CADM1: variants seen among roughly 807,000 people sequenced by gnomAD.
CADM1 encodes the protein TSLC-1.
A neutral mutation model predicts 53.1 loss-of-function variants in CADM1; 15 were observed. That is an observed-to-expected ratio of 0.28 (90% CI 0.19 to 0.44). The LOEUF is 0.44. Ranked by LOEUF, CADM1 falls within the 20% of genes least tolerant of loss-of-function variation. CADM1 has a pLI of 1.00. For missense variants in CADM1, 434 were observed against 611.3 expected, an observed-to-expected ratio of 0.71 and a Z score of 3.06; for synonymous variants, 281 against 243.0, an observed-to-expected ratio of 1.16 and a Z score of -1.45.
intron 1 of CADM1, among the ~76,000 whole-genome samples, chr11:115,315,755 T>A (rs1944650241): frequency 6.6e-6 from 1 of 151,912 alleles, no homozygotes; most frequent in Non-Finnish European, 1.5e-5. Context: ...CTATAGCGTG[T>A]CACAACTCTC....
At position 115,170,629 on chromosome 11, in the gene CADM1, GT is replaced by G. The variant is rs538545007; in HGVS notation, c.*5844del. The G allele has an allele frequency of 4.3e-3, 653 of 152,056 alleles. 4 individuals carry two copies. The highest frequency in any genetic ancestry group is 7.1e-3 in the Admixed American group (108 of 15,242). 9.4% of individuals were successfully genotyped at this position (152,056 alleles called of 1,614,324 possible). On this transcript the variant is annotated 3_prime_UTR_variant, in exon 12 of 12. Transcript: ENST00000331581. ...TGGTGGGGGGGGACTGAATCCTGCA[GT>G]TCCTATTAGAGGCACATTTCAACAT...
chr11:115,437,598 G>A (rs1046188317), intron 1 of CADM1, among the ~76,000 whole-genome samples: 2 of 152,138 alleles, frequency 1.3e-5, no homozygotes, highest in East Asian at 1.9e-4. Flanking sequence ...ATACCAAAGC[G>A]ATGGGCAAAT....
intron 1 of CADM1, among the ~76,000 whole-genome samples, chr11:115,252,044 A>G (rs1268411263): frequency 6.6e-6 from 1 of 152,208 alleles, no homozygotes; most frequent in Non-Finnish European, 1.5e-5. Flanking sequence ...GAAATTAGAG[A>G]TAAGTGAGAA....
chr11:115,405,215 G>A (rs1947283782), intron 1 of CADM1, among the ~76,000 whole-genome samples: 2 of 152,158 alleles, frequency 1.3e-5, no homozygotes. Context: ...GGCTTCCTAA[G>A]TAGCTGGGAT....
intron 1 of CADM1, among the ~76,000 whole-genome samples, chr11:115,341,759 A>G (rs537512442): frequency 6.6e-6 from 1 of 152,216 alleles, no homozygotes; most frequent in Non-Finnish European, 1.5e-5. Flanking sequence ...TAATATAAAG[A>G]TCCTTTTTTC....
At chr11:115,305,460 C>CT (rs1227612043) in intron 1 of CADM1, among the ~76,000 whole-genome samples, 1 of 151,880 alleles carries the variant, frequency 6.6e-6, no homozygotes, top group African/African-American at 2.4e-5. Flanking sequence ...TCAGTTTTTG[C>CT]TTTTTTGTCC....
chr11:115,308,199 T>C (rs1233718345), intron 1 of CADM1, among the ~76,000 whole-genome samples: 2 of 91,274 alleles, frequency 2.2e-5, no homozygotes, highest in Non-Finnish European at 4.0e-5. Flanking sequence ...GGTGTGTATA[T>C]ATATATATAT....
At chr11:115,295,409 G>T (rs1944024312) in intron 1 of CADM1, among the ~76,000 whole-genome samples, 1 of 149,886 alleles carries the variant, frequency 6.7e-6, no homozygotes, top group Non-Finnish European at 1.5e-5. Flanking sequence ...TTCTGCCCTG[G>T]TTAAAGTACT....
intron 1 of CADM1, among the ~76,000 whole-genome samples, chr11:115,368,338 A>G (rs1946225685): frequency 6.6e-6 from 1 of 152,106 alleles, no homozygotes; most frequent in Admixed American, 6.5e-5. Flanking sequence ...GGTTGTTTAC[A>G]ATAATGCCCA....
intron 4 of CADM1, 116 bp from the exon 5 acceptor site, chr11:115,229,387 G>T: frequency 2.2e-6 from 2 of 927,658 alleles, no homozygotes; most frequent in Non-Finnish European, 1.7e-6. Context: ...AAATATGATG[G>T]CAGTTACTTG....
intron 1 of CADM1, among the ~76,000 whole-genome samples, chr11:115,448,732 CAA>C (rs1948507561): frequency 6.6e-6 from 1 of 152,080 alleles, no homozygotes; most frequent in Admixed American, 6.6e-5. Context: ...AGCAATATCA[CAA>C]AGTCAACATG....
intron 10 of CADM1, among the ~76,000 whole-genome samples, chr11:115,181,948 C>T (rs898763019): frequency 1.3e-5 from 2 of 152,318 alleles, no homozygotes; most frequent in African/African-American, 4.8e-5. Flanking sequence ...ATACCGAGCA[C>T]TAAGAGAAGC....
intron 1 of CADM1, among the ~76,000 whole-genome samples, chr11:115,452,413 C>T (rs1025598969): frequency 5.9e-5 from 9 of 152,316 alleles, no homozygotes; most frequent in African/African-American, 2.2e-4. Context: ...AGACAAGCAG[C>T]TTCTCCCCAG....
At chr11:115,285,148 C>T (rs192998837) in intron 1 of CADM1, among the ~76,000 whole-genome samples, 1 of 152,332 alleles carries the variant, frequency 6.6e-6, no homozygotes, top group African/African-American at 2.4e-5. Context: ...TGCCAACCCC[C>T]TGATTTATAC....
chr11:115,452,806 T>A (rs1948603593), intron 1 of CADM1, among the ~76,000 whole-genome samples: 1 of 152,200 alleles, frequency 6.6e-6, no homozygotes, highest in Non-Finnish European at 1.5e-5. Context: ...GTACAAAGTT[T>A]ACATTGGTGA....
intron 5 of CADM1, among the ~76,000 whole-genome samples, chr11:115,222,489 C>G (rs548253114): frequency 6.6e-6 from 1 of 152,126 alleles, no homozygotes; most frequent in Non-Finnish European, 1.5e-5. Context: ...GAACATCTTG[C>G]AAAATATTTG....
At chr11:115,284,085 A>ACTCTCT (rs1449186377) in intron 1 of CADM1, among the ~76,000 whole-genome samples, 4 of 23,426 alleles carry the variant, frequency 1.7e-4, no homozygotes, top group Admixed American at 5.1e-4. Flanking sequence ...ACAAGCCCAG[A>ACTCTCT]CACTCTCTCT....
At chr11:115,410,800 G>A (rs1947442166) in intron 1 of CADM1, among the ~76,000 whole-genome samples, 1 of 152,134 alleles carries the variant, frequency 6.6e-6, no homozygotes. Context: ...TCCAGGGTGT[G>A]GCTGGCATAC....
chr11:115,485,324 T>C (rs796841585), intron 1 of CADM1, among the ~76,000 whole-genome samples: 8 of 152,352 alleles, frequency 5.3e-5, no homozygotes, highest in African/African-American at 1.9e-4. Context: ...CATACACTTC[T>C]GCCTGTCTTC....
Sources: allele counts gnomAD v4.1 joint callset (sites outside exome capture counted in the v4.1 genomes callset), GRCh38; gene constraint gnomAD v4.1.1; transcripts MANE v1.5; gene names NCBI Gene and HGNC (gene_info 2026-07-23, HGNC 2026-07-21).